Variants in BRINP1 observed in about 807,000 individuals in gnomAD.
The protein encoded by BRINP1 is BMP/retinoic acid inducible neural specific 1, also known as BMP/retinoic acid-inducible neural-specific protein 1.
Under a neutral mutation model 72.9 loss-of-function variants are expected in BRINP1, and 17 were observed. The observed-to-expected ratio is 0.23, with a 90% confidence interval of 0.16 to 0.35. BRINP1 has a LOEUF of 0.35. Among genes scored for constraint, BRINP1 ranks in the 10% least tolerant of loss-of-function variants. BRINP1 has a pLI of 1.00. For missense variants in BRINP1, 850 were observed against 1,001.6 expected (o/e 0.85, Z 2.04); for synonymous variants, 418 against 378.5 (o/e 1.10, Z -1.21).
chr9:119,303,764 A>T (rs1830964969), intron 2 of BRINP1, among the ~76,000 whole-genome samples: 1 of 152,200 alleles, frequency 6.6e-6, no homozygotes, highest in Non-Finnish European at 1.5e-5. Flanking sequence ...AAGTCCAGTA[A>T]GACATCTCAG....
chr9:119,359,748 C>T (rs963573730), intron 1 of BRINP1, among the ~76,000 whole-genome samples: 2 of 152,176 alleles, frequency 1.3e-5, no homozygotes, highest in African/African-American at 4.8e-5. Flanking sequence ...CAGTTTCAAC[C>T]TCTCTAGAAT....
chr9:119,314,185 G>C (rs547319036), intron 1 of BRINP1, among the ~76,000 whole-genome samples: 1 of 152,140 alleles, frequency 6.6e-6, no homozygotes, highest in Non-Finnish European at 1.5e-5. Context: ...AACTGAAGGC[G>C]GTCATTTTGT....
At chr9:119,246,406 A>T (rs1448611202) in intron 3 of BRINP1, among the ~76,000 whole-genome samples, 1 of 152,212 alleles carries the variant, frequency 6.6e-6, no homozygotes, top group Admixed American at 6.5e-5. Context: ...CTCCCAGGCT[A>T]CATCTTTTTC....
chr9:119,360,006 G>A (rs533744070), intron 1 of BRINP1, among the ~76,000 whole-genome samples: 1 of 152,226 alleles, frequency 6.6e-6, no homozygotes, highest in East Asian at 1.9e-4. Flanking sequence ...AGGGAAGAGA[G>A]AGCGGTAAGC....
intron 7 of BRINP1, among the ~76,000 whole-genome samples, chr9:119,206,995 C>A (rs912990771): frequency 6.6e-6 from 1 of 152,130 alleles, no homozygotes; most frequent in Admixed American, 6.6e-5. Flanking sequence ...AGATGCAAAG[C>A]AGTGGGCTCA....
intron 4 of BRINP1, among the ~76,000 whole-genome samples, chr9:119,240,538 A>G (rs1830236300): frequency 6.6e-6 from 1 of 152,174 alleles, no homozygotes; most frequent in Admixed American, 6.5e-5. Context: ...CATCCCATCC[A>G]GCGAGGAGAG....
In BRINP1 at chr9:119,238,553, TC is replaced by T. The variant is rs200960097; in HGVS notation, c.685+101del. The T allele has an allele frequency of 1.4e-3, 887 of 649,324 alleles. 4 individuals are homozygous for T. The African/African-American group carries it at 0.014, about 10-fold the overall frequency. The allele number at this position is 649,324 out of a possible 1,614,324, so 40.2% of individuals were successfully genotyped here. On this transcript the variant is annotated intron_variant, in intron 5 of 7. Transcript: ENST00000265922. ...TCATTAGATTTTCTATGCTTCCTCT[TC>T]TTTATTCTCCCTTCACTCCATCCCT...
In BRINP1 at chr9:119,358,870, C is replaced by T. The variant is rs143467784; in HGVS notation, c.-51+10186G>A. Among the ~76,000 whole-genome samples, 16 of 152,326 alleles carry T rather than the reference C, an allele frequency of 1.1e-4. No individual in the cohort carries two copies. The East Asian group carries it at 1.2e-3, about 11-fold the overall frequency. ...GCCTCTATCATTTTGCGTTCTCCCA[C>T]GCCTTATTCTACTTTCTCACTCTCT... On this transcript the variant is annotated intron_variant, in intron 1 of 7. Transcript: ENST00000265922.
chr9:119,167,519 G>A lies in BRINP1; in HGVS notation c.1851C>T (p.Ile617=). 6.2e-7 allele frequency: 1 copy of A among 1,614,196 alleles called. No individual in the cohort carries two copies. The highest frequency in any genetic ancestry group is 8.5e-7 in the Non-Finnish European group (1 of 1,180,030). ...GTAGCCGAGTCCGACTACGTAGGTA[G>A]ATGTGGACCGTCTCGAAAAATGTTT... ...RWKTFFETVH[I]YLRSRTRLPT... The change falls in exon 8 of 8, where the codon ATC becomes ATT. Residue 617 remains isoleucine (I), a synonymous_variant. Coordinates refer to ENST00000265922, the MANE Select transcript of BRINP1 (RefSeq NM_014618.3). This position sits in a 1 kb window ranked among gnomAD's most constrained non-coding sequence, Gnocchi z 4.3.
In BRINP1 at chr9:119,213,996, T is replaced by C; in HGVS notation, c.845A>G (p.Asp282Gly). The C allele has an allele frequency of 1.9e-6, 3 of 1,614,180 alleles. No homozygotes were observed. The highest frequency in any genetic ancestry group is 2.5e-6 in the Non-Finnish European group (3 of 1,180,030). ...EFPQCNCPITDIQIMEYTLAN... is the reference protein window; with the variant it reads ...EFPQCNCPITGIQIMEYTLAN... ...CAGCGTGTACTCCATGATCTGGATGTCCGTGATGGGGCAGTTGCACTGCGG... is the reference window on the plus strand; with the variant it reads ...CAGCGTGTACTCCATGATCTGGATGCCCGTGATGGGGCAGTTGCACTGCGG... Residue 282 changes from aspartate to glycine, a missense_variant, in exon 6 of 8, where the codon GAC becomes GGC. Physicochemically the swap from Asp to Gly is moderately conservative, Grantham distance 94 (BLOSUM62 -1). Transcript: ENST00000265922.
chr9:119,169,569 T>A (rs1829374599), intron 7 of BRINP1, among the ~76,000 whole-genome samples: 1 of 152,216 alleles, frequency 6.6e-6, no homozygotes, highest in African/African-American at 2.4e-5. Context: ...CGCCCGCCAT[T>A]GCCCAGGCTT....
At chr9:119,188,458 C>T (rs994746059) in intron 7 of BRINP1, among the ~76,000 whole-genome samples, 1 of 152,098 alleles carries the variant, frequency 6.6e-6, no homozygotes, top group Non-Finnish European at 1.5e-5. Flanking sequence ...CGCCACTAGA[C>T]CAGCCTTAGA....
At chr9:119,204,321 T>C (rs760245589) in intron 7 of BRINP1, among the ~76,000 whole-genome samples, 4 of 152,300 alleles carry the variant, frequency 2.6e-5, no homozygotes, top group Non-Finnish European at 4.4e-5. Flanking sequence ...TGAATTGTTT[T>C]ACACCAATAG....
At chr9:119,264,871 C>A (rs1264032976) in intron 2 of BRINP1, among the ~76,000 whole-genome samples, 8 of 152,182 alleles carry the variant, frequency 5.3e-5, no homozygotes, top group African/African-American at 1.9e-4. Flanking sequence ...CGGGATTTCA[C>A]CATCTTGGCC....
chr9:119,345,533 T>C (rs1186468354), intron 1 of BRINP1, among the ~76,000 whole-genome samples: 4 of 152,216 alleles, frequency 2.6e-5, no homozygotes, highest in Non-Finnish European at 5.9e-5. Context: ...TTACTGTCTG[T>C]TTCATAGCAA....
chr9:119,218,708 G>A (rs966921961), intron 5 of BRINP1, among the ~76,000 whole-genome samples: 7 of 150,102 alleles, frequency 4.7e-5, no homozygotes, highest in African/African-American at 7.4e-5. Flanking sequence ...GCACAGTTGA[G>A]ACCTCTGGCA....
At chr9:119,253,523 A>G (rs1267966921) in intron 2 of BRINP1, among the ~76,000 whole-genome samples, 1 of 152,222 alleles carries the variant, frequency 6.6e-6, no homozygotes, top group Non-Finnish European at 1.5e-5. Flanking sequence ...CAAATATCAC[A>G]CATCCCATTC....
chr9:119,282,941 C>G (rs1040649577), intron 2 of BRINP1: 2 of 985,246 alleles, frequency 2.0e-6, no homozygotes, highest in Non-Finnish European at 2.4e-6. Context: ...TTCTTTCTCT[C>G]TTCAATGTTA....
At chr9:119,362,001 C>A (rs982215993) in intron 1 of BRINP1, among the ~76,000 whole-genome samples, 1 of 151,812 alleles carries the variant, frequency 6.6e-6, no homozygotes, top group Admixed American at 6.6e-5. Flanking sequence ...CACGGATTCA[C>A]CATGTTGGTC....
Sources: allele counts gnomAD v4.1 joint callset (sites outside exome capture counted in the v4.1 genomes callset), GRCh38; gene constraint gnomAD v4.1.1; non-coding constraint Gnocchi (gnomAD v3.1); transcripts MANE v1.5; gene names NCBI Gene and HGNC (gene_info 2026-07-23, HGNC 2026-07-21).